Variants in DOCK6 observed in about 807,000 individuals in gnomAD.
DOCK6 encodes the protein dedicator of cytokinesis 6.
A neutral mutation model predicts 230.3 loss-of-function variants in DOCK6; 167 were observed. That is an observed-to-expected ratio of 0.73 (90% CI 0.64 to 0.82). The LOEUF (loss-of-function observed/expected upper bound fraction) is 0.82. DOCK6 is among the 40% of genes least tolerant of loss of function. DOCK6 has a pLI of 0.00. For synonymous variants in DOCK6, 1,148 were observed against 1,185.0 expected, an observed-to-expected ratio of 0.97 and a Z score of 0.64; for missense variants, 2,598 against 2,825.8, an observed-to-expected ratio of 0.92 and a Z score of 1.83.
rs189142321 is a variant in DOCK6, at chr19:11,211,884, C to T, written c.4651-8G>A. ...GAACATCAGGTCCTGGACCTGGAGC[C>T]GGGGAACGTCCAGGGGCCAATGAGA... On this transcript the variant is annotated splice_polypyrimidine_tract_variant and splice_region_variant and intron_variant, in intron 36 of 47. Transcript: ENST00000294618. 2.0e-5 allele frequency: 29 copies of T among 1,477,576 alleles called. No individual in the cohort carries two copies. In the East Asian group the frequency reaches 3.4e-4, roughly 17 times the overall value. 91.5% of individuals were successfully genotyped at this position (1,477,576 alleles called of 1,614,324 possible). A position where few individuals can be genotyped will look rare whatever the true frequency, so the allele number is the denominator to read the frequency against.
Position 11,252,863 on chromosome 19 carries a change from T to C in DOCK6, c.228A>G (p.Val76=). ...DAEPGPLRDL[V]EFPADDLELL... ...GCTCCAAGTCATCAGCTGGGAATTC[T>C]ACCAGGTCCCTGAGGGGCCCGGGCT... The change falls in exon 3 of 48, where the codon GTA becomes GTG. Residue 76 remains valine (V), a synonymous_variant. Coordinates refer to ENST00000294618, the MANE Select transcript of DOCK6 (RefSeq NM_020812.4). 1 of 1,613,908 alleles carries C rather than the reference T, an allele frequency of 6.2e-7. No homozygotes were observed.
rs1019617092 is a variant in DOCK6 at position 11,236,131 on chromosome 19, C to T, written c.2392+215G>A. ...TCGACCTCAGGTGATCTGCCCGCCT[C>T]GGCCTCCCAAAGTGCTGGGATGACA... On this transcript the variant is annotated intron_variant, in intron 20 of 47. Coordinates refer to ENST00000294618, the MANE Select transcript of DOCK6 (RefSeq NM_020812.4). This position sits in a 1 kb window ranked among gnomAD's most constrained non-coding sequence, Gnocchi z 5.2. 29 of 595,344 alleles carry T rather than the reference C, an allele frequency of 4.9e-5. No individual in the cohort carries two copies. The highest frequency in any genetic ancestry group is 4.5e-4 in the Middle Eastern group (1 of 2,234). The allele number at this position is 595,344 out of a possible 1,614,324, so 36.9% of individuals were successfully genotyped here.
At chr19:11,259,450 G>C (rs2080248697) in intron 1 of DOCK6, among the ~76,000 whole-genome samples, 1 of 151,822 alleles carries the variant, frequency 6.6e-6, no homozygotes, top group African/African-American at 2.4e-5. Flanking sequence ...GAGAGAGAGA[G>C]AGAGAGATGT....
At chr19:11,216,075 CTT>C (rs1441764948) in intron 30 of DOCK6, 148 bp from the exon 31 acceptor site, 3 of 1,019,452 alleles carry the variant, frequency 2.9e-6, no homozygotes, top group Non-Finnish European at 4.1e-6. Flanking sequence ...ATTCTTAGCA[CTT>C]ACCAAAAAAA....
Position 11,261,146 on chromosome 19 carries a change from C to T in DOCK6, c.44+1251G>A, listed in dbSNP as rs538388815. 4.6e-5 allele frequency among the ~76,000 whole-genome samples: 7 copies of T among 152,034 alleles called. No homozygotes were observed. In the East Asian group the frequency reaches 9.7e-4, roughly 21 times the overall value. ...GTCAAAGTCCCTTGCACAGCCCACA[C>T]GACCCTGTACATTCTACTCTTACTG... On this transcript the variant is annotated intron_variant, in intron 1 of 47. Transcript: ENST00000294618.
intron 14 of DOCK6, among the ~76,000 whole-genome samples, chr19:11,239,441 GC>G (rs1380331059): frequency 6.6e-6 from 1 of 152,182 alleles, no homozygotes; most frequent in Non-Finnish European, 1.5e-5. Context: ...CCCACACCTG[GC>G]CCTGAGCCCC....
intron 41 of DOCK6, chr19:11,203,220 A>G (rs893754918): frequency 5.7e-6 from 1 of 175,026 alleles, no homozygotes; most frequent in Non-Finnish European, 1.2e-5. Context: ...CCCCCTCCCT[A>G]CCACCCTAAA....
Position 11,201,768 on chromosome 19 carries a change from C to G in DOCK6, c.5688+121G>C. The G allele has an allele frequency of 1.1e-6, 1 of 937,900 alleles. No individual in the cohort carries two copies. The highest frequency in any genetic ancestry group is 1.6e-6 in the Non-Finnish European group (1 of 626,560). 58.1% of individuals were successfully genotyped at this position (937,900 alleles called of 1,614,324 possible). ...TCTAGGGTCCCTGTGCCACCCCTCT[C>G]TGGGTCTGAGGTCCGTGAACCACCT... On this transcript the variant is annotated intron_variant, in intron 44 of 47. Coordinates refer to ENST00000294618, the MANE Select transcript of DOCK6 (RefSeq NM_020812.4). This position sits in a 1 kb window ranked among gnomAD's most constrained non-coding sequence, Gnocchi z 4.3.
At chr19:11,226,289 C>T (rs1307714332) in intron 24 of DOCK6, among the ~76,000 whole-genome samples, 4 of 152,190 alleles carry the variant, frequency 2.6e-5, no homozygotes, top group Non-Finnish European at 4.4e-5. Context: ...ACCACTCATT[C>T]GATGCCTCAG....
At chr19:11,255,961 T>C (rs896341731) in intron 1 of DOCK6, among the ~76,000 whole-genome samples, 1 of 152,028 alleles carries the variant, frequency 6.6e-6, no homozygotes, top group Non-Finnish European at 1.5e-5. Context: ...TAATTTTTTG[T>C]ATTTTTAGTA....
intron 14 of DOCK6, chr19:11,240,270 G>C (rs778124649): frequency 6.3e-7 from 1 of 1,583,888 alleles, no homozygotes; most frequent in South Asian, 1.2e-5. Context: ...GCTGGGCCCT[G>C]CCTACCGAGA....
Position 11,252,532 on chromosome 19 carries a change from C to T in DOCK6, c.327G>A (p.Val109=), listed in dbSNP as rs374301197. ...IPKDEKLDAQ[V]RAAVEMYIED... ...CAATATACATCTCCACCGCGGCCCT[C>T]ACCTGGGCATCCAGTTTTCTGCAGC... The change falls in exon 4 of 48, where the codon GTG becomes GTA. Residue 109 remains valine, a synonymous_variant. Coordinates refer to ENST00000294618, the MANE Select transcript of DOCK6 (RefSeq NM_020812.4). 27 of 1,613,900 alleles carry T rather than the reference C, an allele frequency of 1.7e-5. No homozygotes were observed. The highest frequency in any genetic ancestry group is 2.3e-5 in the Non-Finnish European group (27 of 1,179,896).
At chr19:11,208,543 T>C (rs1048483516) in intron 39 of DOCK6, 143 bp downstream of exon 39, 1 of 1,213,858 alleles carries the variant, frequency 8.2e-7, no homozygotes, top group African/African-American at 1.5e-5. Context: ...CCTCCCAAAG[T>C]GCTGGGGTTA....
In DOCK6 at chr19:11,243,070, C is replaced by T. The variant is rs753449082; in HGVS notation, c.1469G>A (p.Arg490His). 81 of 1,613,800 alleles carry T rather than the reference C, an allele frequency of 5.0e-5. No individual in the cohort carries two copies. The highest frequency in any genetic ancestry group is 1.3e-4 in the East Asian group (6 of 44,880). ...GGTGTGCCACGCACCAGTCACAGGA[C>T]GTAGTCGCCGCAGCAGGGACGACGG... ...RRPSSLLRRL[R>H]PVTAQLKIDI... Residue 490 changes from arginine (R) to histidine (H), a missense_variant, in exon 13 of 48, where the codon CGT becomes CAT. By Grantham distance (29) the Arg-to-His change is conservative (BLOSUM62 0). Coordinates refer to ENST00000294618, the MANE Select transcript of DOCK6 (RefSeq NM_020812.4). The surrounding 1 kb of genome is among the most constrained non-coding windows in gnomAD (Gnocchi z 6.3).
intron 5 of DOCK6, 88 bp from the exon 6 acceptor site, chr19:11,251,174 A>G: frequency 7.4e-7 from 1 of 1,344,326 alleles, no homozygotes; most frequent in African/African-American, 1.4e-5. Flanking sequence ...CTCATTCTAG[A>G]GATGGGGAAA....
In DOCK6 at chr19:11,215,918, C is replaced by G. The variant is rs747116696; in HGVS notation, c.3904G>C (p.Ala1302Pro). 3 of 1,613,810 alleles carry G rather than the reference C, an allele frequency of 1.9e-6. 1 individual carries two copies. The highest frequency in any genetic ancestry group is 8.5e-7 in the Non-Finnish European group (1 of 1,179,828). ...LAAFEYKGKK[A>P]FERINSLTFK... Reference sequence around the variant, plus strand: ...GTGAGGCTGTTGATGCGTTCAAAGGCCTTTTTCCCCTGGGGGTGCAGAGAA... The same window carrying G: ...GTGAGGCTGTTGATGCGTTCAAAGGGCTTTTTCCCCTGGGGGTGCAGAGAA... Residue 1302 changes from alanine (A) to proline (P), a missense_variant, in exon 31 of 48, where the codon GCC (alanine) becomes CCC (proline). Transcript: ENST00000294618.
At chr19:11,206,210 A>T (rs1441575316) in intron 39 of DOCK6, 1 of 152,066 alleles carries the variant, frequency 6.6e-6, no homozygotes, top group African/African-American at 2.4e-5. Flanking sequence ...GAAACCACCA[A>T]CTGCCCTCAT....
chr19:11,211,292 G>A (rs534781988), intron 37 of DOCK6, among the ~76,000 whole-genome samples: 171 of 150,922 alleles, frequency 1.1e-3, no homozygotes, highest in African/African-American at 4.1e-3. Context: ...CCTCCCATAT[G>A]CCCCACCTCC....
intron 39 of DOCK6, among the ~76,000 whole-genome samples, chr19:11,207,464 G>C (rs1463332626): frequency 2.0e-5 from 3 of 152,070 alleles, no homozygotes; most frequent in African/African-American, 7.2e-5. Context: ...CCAAAGTGCT[G>C]GGATTACAGG....
Sources: allele counts gnomAD v4.1 joint callset (sites outside exome capture counted in the v4.1 genomes callset), GRCh38; gene constraint gnomAD v4.1.1; non-coding constraint Gnocchi (gnomAD v3.1); transcripts MANE v1.5; gene names NCBI Gene and HGNC (gene_info 2026-07-23, HGNC 2026-07-21).